The following TMEM117 variants were observed in gnomAD, a reference collection of about 807,000 sequenced individuals.
TMEM117 encodes transmembrane protein 117.
In TMEM117, 27 loss-of-function variants were observed where a neutral mutation model predicts 52.4. The observed-to-expected ratio is 0.51, with a 90% confidence interval of 0.38 to 0.71. The LOEUF is 0.71. Among genes scored for constraint, TMEM117 ranks in the 30% least tolerant of loss-of-function variants. The pLI is 0.00. For synonymous variants in TMEM117, 215 were observed against 206.3 expected (o/e 1.04, Z -0.36); for missense variants, 556 against 630.5 (o/e 0.88, Z 1.26).
chr12:43,962,729 G>A (rs1945422941), intron 3 of TMEM117, among the ~76,000 whole-genome samples: 1 of 152,072 alleles, frequency 6.6e-6, no homozygotes. Flanking sequence ...GACCATCCTG[G>A]CTAACGTGAA....
chr12:43,867,530 G>A (rs1943624333), intron 2 of TMEM117, among the ~76,000 whole-genome samples: 1 of 152,180 alleles, frequency 6.6e-6, no homozygotes, highest in Non-Finnish European at 1.5e-5. Context: ...ACAAGGCAGA[G>A]ATTGTCAGAC....
intron 2 of TMEM117, among the ~76,000 whole-genome samples, chr12:43,864,909 C>T (rs1474315972): frequency 1.3e-5 from 2 of 152,136 alleles, no homozygotes; most frequent in Non-Finnish European, 2.9e-5. Flanking sequence ...CAAAGGTCTG[C>T]AGCTTCACTC....
At chr12:44,139,013 G>A (rs1303752791) in intron 3 of TMEM117, among the ~76,000 whole-genome samples, 2 of 152,094 alleles carry the variant, frequency 1.3e-5, no homozygotes, top group Non-Finnish European at 2.9e-5. Flanking sequence ...TTTAGTTTTA[G>A]TGTGTTTAAT....
At chr12:43,926,550 G>A (rs547686522) in intron 2 of TMEM117, among the ~76,000 whole-genome samples, 6 of 152,194 alleles carry the variant, frequency 3.9e-5, no homozygotes, top group Admixed American at 3.3e-4. Context: ...TAAAATCTTA[G>A]GGAAGAAGAG....
chr12:43,959,133 G>C (rs768642275), intron 3 of TMEM117, among the ~76,000 whole-genome samples: 5 of 152,138 alleles, frequency 3.3e-5, no homozygotes, highest in Admixed American at 6.5e-5. Flanking sequence ...ATGTGCTGAG[G>C]GGGCAGCAAA....
At chr12:44,208,866 T>C (rs1949609337) in intron 4 of TMEM117, among the ~76,000 whole-genome samples, 1 of 150,112 alleles carries the variant, frequency 6.7e-6, no homozygotes, top group Admixed American at 6.7e-5. Flanking sequence ...GAAAATATAA[T>C]AAGTATTTCC....
At chr12:43,916,106 T>C (rs1944599086) in intron 2 of TMEM117, among the ~76,000 whole-genome samples, 1 of 152,126 alleles carries the variant, frequency 6.6e-6, no homozygotes, top group Non-Finnish European at 1.5e-5. Flanking sequence ...TTGAGCCACC[T>C]TCAAATCCAC....
At chr12:43,953,331 G>T (rs779990642) in intron 3 of TMEM117, among the ~76,000 whole-genome samples, 2 of 152,082 alleles carry the variant, frequency 1.3e-5, no homozygotes, top group African/African-American at 4.8e-5. Context: ...TAGGCTAAAT[G>T]CCCCATTAAA....
downstream of TMEM117, among the ~76,000 whole-genome samples, chr12:44,393,473 A>G (rs1180075857): frequency 2.1e-5 from 3 of 144,134 alleles, no homozygotes; most frequent in African/African-American, 5.4e-5. Flanking sequence ...GAAGGTAAGT[A>G]GGGTTAATTT....
intron 3 of TMEM117, among the ~76,000 whole-genome samples, chr12:44,024,082 G>A (rs1946495086): frequency 6.6e-6 from 1 of 152,112 alleles, no homozygotes; most frequent in Non-Finnish European, 1.5e-5. Context: ...GACTAACATG[G>A]TAACGTGAGA....
chr12:43,876,717 C>T (rs1943803105), intron 2 of TMEM117, among the ~76,000 whole-genome samples: 1 of 152,078 alleles, frequency 6.6e-6, no homozygotes, highest in Admixed American at 6.5e-5. Context: ...ATTGCGTTTT[C>T]CAATGCTGTG....
At chr12:43,980,394 G>A (rs544309367) in intron 3 of TMEM117, among the ~76,000 whole-genome samples, 24 of 151,288 alleles carry the variant, frequency 1.6e-4, no homozygotes, top group African/African-American at 4.7e-4. Flanking sequence ...TACATCTAGC[G>A]TACCTTCTTC....
At chr12:43,985,116 A>G (rs1945826870) in intron 3 of TMEM117, among the ~76,000 whole-genome samples, 5 of 152,216 alleles carry the variant, frequency 3.3e-5, no homozygotes, top group Non-Finnish European at 7.3e-5. Flanking sequence ...ACATATCTCT[A>G]CATGCAAAGA....
the TMEM117 span, among the ~76,000 whole-genome samples, chr12:43,800,705 A>G: frequency 2.0e-5 from 3 of 152,236 alleles, no homozygotes; most frequent in South Asian, 6.2e-4. Flanking sequence ...TAACATGGGC[A>G]TCTAAACTAT....
At chr12:44,321,554 A>T (rs1286667195) in intron 6 of TMEM117, among the ~76,000 whole-genome samples, 1 of 152,180 alleles carries the variant, frequency 6.6e-6, no homozygotes, top group South Asian at 2.1e-4. Flanking sequence ...TAAAATCTGG[A>T]TTCATTTTGC....
At chr12:44,374,563 C>T (rs76815633) in intron 6 of TMEM117, among the ~76,000 whole-genome samples, 2,236 of 151,282 alleles carry the variant, frequency 0.015, 60 homozygotes, top group African/African-American at 0.052. Context: ...CCTTCATTTC[C>T]GTAACTTATC....
chr12:44,277,364 T>C (rs1229184318), intron 5 of TMEM117, among the ~76,000 whole-genome samples: 1 of 152,146 alleles, frequency 6.6e-6, no homozygotes, highest in Non-Finnish European at 1.5e-5. Flanking sequence ...TTTCTAAAGC[T>C]GTATTAGTTT....
intron 7 of TMEM117, among the ~76,000 whole-genome samples, chr12:44,377,440 GTC>G (rs1250484785): frequency 7.2e-5 from 11 of 152,104 alleles, no homozygotes; most frequent in African/African-American, 2.4e-4. Context: ...GCTCAGGTTT[GTC>G]TTAAGTGATT....
chr12:44,077,533 T>C (rs570917104), intron 3 of TMEM117, among the ~76,000 whole-genome samples: 36 of 152,322 alleles, frequency 2.4e-4, no homozygotes, highest in Non-Finnish European at 5.0e-4. Context: ...CCAAACATCA[T>C]GTAACATGTC....
Sources: gnomAD v4.1 joint callset for allele counts (sites outside exome capture counted in the v4.1 genomes callset) on GRCh38, gnomAD v4.1.1 for gene constraint, MANE v1.5 for transcripts, NCBI Gene and HGNC (gene_info 2026-07-23, HGNC 2026-07-21) for gene names.